The following TNRC6B variants were observed in gnomAD, a reference collection of about 807,000 sequenced individuals.
TNRC6B encodes the protein trinucleotide repeat-containing gene 6B protein.
TNRC6B carries 52 observed loss-of-function variants against 203.6 expected under a neutral mutation model. The ratio of observed to expected loss-of-function variants is 0.26; its 90% confidence interval spans 0.20 to 0.32. The LOEUF (loss-of-function observed/expected upper bound fraction) is 0.32. Ranked by LOEUF, TNRC6B falls within the 10% of genes least tolerant of loss-of-function variation. TNRC6B has a pLI of 1.00. For missense variants in TNRC6B, 1,923 were observed against 2,286.2 expected (o/e 0.84, Z 3.24); for synonymous variants, 838 against 845.7 (o/e 0.99, Z 0.16).
chr22:40,298,695 G>T (rs969015117), intron 12 of TNRC6B, among the ~76,000 whole-genome samples: 22 of 151,832 alleles, frequency 1.4e-4, no homozygotes, highest in African/African-American at 4.4e-4. Flanking sequence ...GGCCGGGCGC[G>T]GTGGCTCACG....
Position 40,312,506 on chromosome 22 carries a change from A to G in TNRC6B, c.4437A>G (p.Glu1479=), listed in dbSNP as rs1403400629. 1 of 1,604,158 alleles carries G rather than the reference A, an allele frequency of 6.2e-7. No individual in the cohort carries two copies. Among genetic ancestry groups the G allele is most frequent in the Non-Finnish European group, 8.5e-7 (1 of 1,177,028 alleles). The change falls in exon 18 of 23, where the codon GAA becomes GAG. Residue 1479 remains glutamate, a splice_region_variant and synonymous_variant. Coordinates refer to ENST00000454349, the MANE Select transcript of TNRC6B (RefSeq NM_001162501.2). ...SKSSNASWPP[E]FQPGVPWKGI... is the part of the protein sequence containing the mutation. ...TAATATTTGTTTTCCTTGTCTCAGA[A>G]TTCCAACCAGGAGTGCCATGGAAAG...
chr22:40,234,834 A>G (rs1337063608), intron 1 of TNRC6B, among the ~76,000 whole-genome samples: 1 of 152,212 alleles, frequency 6.6e-6, no homozygotes, highest in Non-Finnish European at 1.5e-5. Context: ...TGCAAATTAC[A>G]TTAGCATCCC....
At chr22:40,132,417 G>A (rs1293451758) in intron 3 of TNRC6B, among the ~76,000 whole-genome samples, 1 of 151,656 alleles carries the variant, frequency 6.6e-6, no homozygotes, top group Non-Finnish European at 1.5e-5. Flanking sequence ...GGAGGCAGAG[G>A]TTGCAGTGAG....
intron 3 of TNRC6B, among the ~76,000 whole-genome samples, chr22:40,138,649 A>G (rs1225500135): frequency 6.6e-6 from 1 of 152,180 alleles, no homozygotes; most frequent in Non-Finnish European, 1.5e-5. Context: ...ATTAGTAGGC[A>G]TTTTAGAGCT....
At chr22:40,131,413 T>C (rs2068544132) in intron 3 of TNRC6B, among the ~76,000 whole-genome samples, 1 of 151,750 alleles carries the variant, frequency 6.6e-6, no homozygotes, top group Non-Finnish European at 1.5e-5. Flanking sequence ...GGATTTTTTT[T>C]TTTTTCTCTG....
rs1390171317 is a variant in TNRC6B, at chr22:40,230,277, ATCT to A, written c.6-15733_6-15731del. Among the ~76,000 whole-genome samples the A allele has an allele frequency of 2.2e-3, 296 of 137,288 alleles. 4 individuals are homozygous for A. The South Asian group carries it at 0.022, about 10-fold the overall frequency. 90.1% of individuals were successfully genotyped at this position (137,288 alleles called of 152,430 possible). Reference sequence around the variant, plus strand: ...AAGTGTCTGTTCAAATCTTTTGCCCATCTTCTTTTTTTTTTTTTTTTTTTTTTT... The same window carrying A: ...AAGTGTCTGTTCAAATCTTTTGCCCATCTTTTTTTTTTTTTTTTTTTTTTT... On this transcript the variant is annotated intron_variant, in intron 1 of 22. Transcript: ENST00000454349.
At chr22:40,164,760 CAAAAAAA>C (rs550507661) in intron 4 of TNRC6B, among the ~76,000 whole-genome samples, 1 of 90,356 alleles carries the variant, frequency 1.1e-5, no homozygotes, top group African/African-American at 4.3e-5. Flanking sequence ...AATTCTGTCT[CAAAAAAA>C]AAAAAAAAAA....
chr22:40,150,991 C>T (rs952710188), intron 3 of TNRC6B, among the ~76,000 whole-genome samples: 4 of 152,208 alleles, frequency 2.6e-5, no homozygotes, highest in Middle Eastern at 3.4e-3. Flanking sequence ...GGGTCTCGCT[C>T]TTAAATATCA....
chr22:40,226,014 A>G (rs905126801), intron 1 of TNRC6B, among the ~76,000 whole-genome samples: 2 of 152,210 alleles, frequency 1.3e-5, no homozygotes, highest in Non-Finnish European at 2.9e-5. Context: ...CACTTTTTAG[A>G]TTTGAAGTCA....
chr22:40,062,706 C>T (rs1367112123), intron 1 of TNRC6B, among the ~76,000 whole-genome samples: 11 of 152,214 alleles, frequency 7.2e-5, no homozygotes, highest in East Asian at 1.9e-4. Flanking sequence ...TTTGCCTGAA[C>T]GCTAATGATT....
intron 3 of TNRC6B, among the ~76,000 whole-genome samples, chr22:40,149,839 C>T (rs2068732665): frequency 6.6e-6 from 1 of 151,886 alleles, no homozygotes; most frequent in African/African-American, 2.4e-5. Flanking sequence ...CACTTTGTCA[C>T]CCAGGCTGAA....
At chr22:40,076,121 A>G (rs1569251994) in intron 1 of TNRC6B, among the ~76,000 whole-genome samples, 1 of 152,190 alleles carries the variant, frequency 6.6e-6, no homozygotes, top group Non-Finnish European at 1.5e-5. Flanking sequence ...TTTTTGTACT[A>G]AAGATTTCTT....
At chr22:40,109,604 T>A (rs1467354174) in intron 1 of TNRC6B, among the ~76,000 whole-genome samples, 1 of 152,214 alleles carries the variant, frequency 6.6e-6, no homozygotes, top group Non-Finnish European at 1.5e-5. Context: ...ATAGTTATAA[T>A]TTTTAGTATG....
At chr22:40,249,241 C>T (rs1203948331) in intron 2 of TNRC6B, among the ~76,000 whole-genome samples, 1 of 152,116 alleles carries the variant, frequency 6.6e-6, no homozygotes, top group African/African-American at 2.4e-5. Context: ...TAGGGCAGTG[C>T]CTGGTGCAGG....
chr22:40,173,540 G>T (rs1443816486), upstream of TNRC6B, among the ~76,000 whole-genome samples: 1 of 150,020 alleles, frequency 6.7e-6, no homozygotes, highest in East Asian at 1.9e-4. Flanking sequence ...AGCCTCCGGA[G>T]TAGCTAGGAC....
At chr22:40,261,805 G>A (rs1291697897) in intron 3 of TNRC6B, 27 bp from the exon 4 acceptor site, 21 of 1,474,028 alleles carry the variant, frequency 1.4e-5, no homozygotes, top group African/African-American at 2.8e-5. Flanking sequence ...GTATTTCAAA[G>A]ACTGTTTCCC....
chr22:40,207,067 CT>C (rs771595108), intron 1 of TNRC6B, among the ~76,000 whole-genome samples: 261 of 152,210 alleles, frequency 1.7e-3, no homozygotes, highest in Admixed American at 2.9e-3. Context: ...ACGTTCATGC[CT>C]TAGAGCTGCA....
At chr22:40,145,067 C>CAAAAAAAA (rs768152120) in intron 3 of TNRC6B, among the ~76,000 whole-genome samples, 1 of 96,126 alleles carries the variant, frequency 1.0e-5, no homozygotes. Context: ...TCTAGCTCCA[C>CAAAAAAAA]AAAAAAAAAA....
chr22:40,057,454 CG>C (rs1295582407), intron 1 of TNRC6B, among the ~76,000 whole-genome samples: 1 of 151,836 alleles, frequency 6.6e-6, no homozygotes, highest in Non-Finnish European at 1.5e-5. Context: ...CCACCACGCC[CG>C]GCTAATTTTG....
Sources: gnomAD v4.1 joint callset for allele counts (sites outside exome capture counted in the v4.1 genomes callset) on GRCh38, gnomAD v4.1.1 for gene constraint, MANE v1.5 for transcripts, NCBI Gene and HGNC (gene_info 2026-07-23, HGNC 2026-07-21) for gene names.